PPP2R2C: variants seen among roughly 807,000 people sequenced by gnomAD.
PPP2R2C encodes protein phosphatase 2 regulatory subunit Bgamma.
Under a neutral mutation model 45.3 loss-of-function variants are expected in PPP2R2C, and 10 were observed. The ratio of observed to expected loss-of-function variants is 0.22; its 90% CI spans 0.14 to 0.37. The LOEUF (loss-of-function observed/expected upper bound fraction) is 0.37, where lower values mean the gene tolerates loss of function less well. PPP2R2C is among the 10% of genes least tolerant of loss of function. PPP2R2C has a pLI of 1.00. For missense variants in PPP2R2C, 308 were observed against 619.7 expected (o/e 0.50, Z 5.34); for synonymous variants, 257 against 245.4 (o/e 1.05, Z -0.44).
At chr4:6,522,630 T>G (rs905644367) in intron 2 of PPP2R2C, among the ~76,000 whole-genome samples, 2 of 152,274 alleles carry the variant, frequency 1.3e-5, no homozygotes, top group Non-Finnish European at 2.9e-5. Flanking sequence ...TGCTCAAATG[T>G]GGGCCCAGGG....
chr4:6,431,848 C>T (rs1229428236), intron 1 of PPP2R2C, among the ~76,000 whole-genome samples: 1 of 152,086 alleles, frequency 6.6e-6, no homozygotes, highest in Non-Finnish European at 1.5e-5. Context: ...ACTACAGACT[C>T]GGGGGGCTTA....
At chr4:6,370,389 C>A (rs1331950620) in intron 5 of PPP2R2C, among the ~76,000 whole-genome samples, 3 of 152,214 alleles carry the variant, frequency 2.0e-5, no homozygotes, top group East Asian at 1.9e-4. Context: ...GAGCCCCACA[C>A]CCTCCCCATT....
chr4:6,370,837 G>A (rs16838648), intron 5 of PPP2R2C, among the ~76,000 whole-genome samples: 10,777 of 152,176 alleles, frequency 0.071, 1,248 homozygotes, highest in African/African-American at 0.24. Context: ...ATGTCCTTTC[G>A]GCTTCAGTGG....
chr4:6,356,731 A>G (rs940215016), intron 5 of PPP2R2C, among the ~76,000 whole-genome samples: 1 of 152,240 alleles, frequency 6.6e-6, no homozygotes, highest in Non-Finnish European at 1.5e-5. Context: ...CCTGGCTGCC[A>G]GGGACCCTGG....
intron 1 of PPP2R2C, among the ~76,000 whole-genome samples, chr4:6,546,836 G>T (rs899793902): frequency 1.3e-5 from 2 of 152,204 alleles, no homozygotes; most frequent in African/African-American, 4.8e-5. Flanking sequence ...AAAAGGGCAG[G>T]CCGTGAAGCG....
chr4:6,541,679 G>A (rs558684951), intron 1 of PPP2R2C, among the ~76,000 whole-genome samples: 4 of 152,256 alleles, frequency 2.6e-5, no homozygotes, highest in African/African-American at 7.2e-5. Context: ...CAGAGTAGCT[G>A]GGATTACAGA....
intron 1 of PPP2R2C, among the ~76,000 whole-genome samples, chr4:6,416,194 G>A (rs1354498103): frequency 1.2e-5 from 1 of 80,354 alleles, no homozygotes; most frequent in South Asian, 4.4e-4. Context: ...CCATAACAAG[G>A]ATATGACAAT....
intron 8 of PPP2R2C, among the ~76,000 whole-genome samples, chr4:6,327,715 C>A (rs1052572711): frequency 6.6e-6 from 1 of 152,118 alleles, no homozygotes; most frequent in Non-Finnish European, 1.5e-5. Context: ...GTCCTGCTGA[C>A]CCAGCTGTGC....
Position 6,471,245 on chromosome 4 carries a change from C to T in PPP2R2C, c.70+915G>A, listed in dbSNP as rs900414317. Among the ~76,000 whole-genome samples the T allele has an allele frequency of 6.6e-6, 1 of 152,196 alleles. No individual in the cohort carries two copies. Among genetic ancestry groups the T allele is most frequent in the Non-Finnish European group, 1.5e-5 (1 of 68,026 alleles). On this transcript the variant is annotated intron_variant, in intron 1 of 8. Coordinates refer to ENST00000382599, the MANE Select transcript of PPP2R2C (RefSeq NM_020416.4). The surrounding 1 kb of genome is among the most constrained non-coding windows in gnomAD (Gnocchi z 5.6). ...GCGGCTGACAGTCCCCGCACTCGGGCAGGGCTCCAGCACAGGCGGCCCCGA... is the reference window on the plus strand; with the variant it reads ...GCGGCTGACAGTCCCCGCACTCGGGTAGGGCTCCAGCACAGGCGGCCCCGA...
intron 2 of PPP2R2C, among the ~76,000 whole-genome samples, chr4:6,520,379 T>A (rs1176934703): frequency 7.0e-6 from 1 of 143,860 alleles, no homozygotes; most frequent in Non-Finnish European, 1.5e-5. Context: ...CCCGAGCAGC[T>A]CACTGTCCCA....
chr4:6,456,314 C>G lies in PPP2R2C; in HGVS notation c.70+15846G>C, dbSNP rs557101883. On this transcript the variant is annotated intron_variant, in intron 1 of 8. Transcript: ENST00000382599. ...GAAATGAAGGATGTTATTTCCCCCCCCCCCCTTTATTCTACTGTCTACACG... is the reference window on the plus strand; with the variant it reads ...GAAATGAAGGATGTTATTTCCCCCCGCCCCCTTTATTCTACTGTCTACACG... 2.2e-3 allele frequency among the ~76,000 whole-genome samples: 320 copies of G among 147,972 alleles called. 1 individual carries two copies. Among genetic ancestry groups the G allele is most frequent in the African/African-American group, 7.3e-3 (298 of 40,870 alleles).
intron 1 of PPP2R2C, among the ~76,000 whole-genome samples, chr4:6,461,825 T>A (rs1577201040): frequency 6.6e-6 from 1 of 152,284 alleles, no homozygotes; most frequent in Non-Finnish European, 1.5e-5. Flanking sequence ...GAGGGGTGTC[T>A]CCCCTACAGA....
intron 1 of PPP2R2C, among the ~76,000 whole-genome samples, chr4:6,390,261 C>A (rs1404675659): frequency 6.6e-6 from 1 of 152,116 alleles, no homozygotes; most frequent in Non-Finnish European, 1.5e-5. Context: ...GGGGATTGAG[C>A]AAAGCCACAG....
At chr4:6,481,532 G>A (rs1218799309) in intron 2 of PPP2R2C, among the ~76,000 whole-genome samples, 1 of 152,098 alleles carries the variant, frequency 6.6e-6, no homozygotes, top group Admixed American at 6.5e-5. Flanking sequence ...GGCCCATGTG[G>A]CAGTACTACC....
At chr4:6,493,223 A>G (rs1293842819) in intron 2 of PPP2R2C, among the ~76,000 whole-genome samples, 1 of 151,744 alleles carries the variant, frequency 6.6e-6, no homozygotes, top group African/African-American at 2.4e-5. Flanking sequence ...ACCCACACAC[A>G]AGCACACACG....
chr4:6,363,421 T>C (rs1354927309), intron 5 of PPP2R2C, among the ~76,000 whole-genome samples: 1 of 151,556 alleles, frequency 6.6e-6, no homozygotes, highest in Non-Finnish European at 1.5e-5. Context: ...TACTAAAAAA[T>C]ACAAAAAATT....
At chr4:6,410,570 G>A (rs1718101494) in intron 1 of PPP2R2C, among the ~76,000 whole-genome samples, 1 of 152,142 alleles carries the variant, frequency 6.6e-6, no homozygotes. Flanking sequence ...GTACTGTGTG[G>A]GGAAAGGTGC....
intron 1 of PPP2R2C, among the ~76,000 whole-genome samples, chr4:6,435,581 T>A (rs979158371): frequency 6.6e-6 from 1 of 152,246 alleles, no homozygotes; most frequent in African/African-American, 2.4e-5. Context: ...TACTAATTAT[T>A]ACTCATCTCT....
At chr4:6,365,228 G>A (rs997972035) in intron 5 of PPP2R2C, among the ~76,000 whole-genome samples, 4 of 152,202 alleles carry the variant, frequency 2.6e-5, no homozygotes, top group Admixed American at 6.5e-5. Context: ...ACAGAACCGT[G>A]GGCAGGTAGT....
Sources: gnomAD v4.1 joint callset for allele counts (sites outside exome capture counted in the v4.1 genomes callset) on GRCh38, gnomAD v4.1.1 for gene constraint, Gnocchi (gnomAD v3.1) non-coding constraint, MANE v1.5 for transcripts, NCBI Gene and HGNC (gene_info 2026-07-23, HGNC 2026-07-21) for gene names.